The following ORC3 variants were observed in gnomAD, a reference collection of about 807,000 sequenced individuals.
ORC3 encodes homolog of latheo, Drosophila.
In ORC3, 78 loss-of-function variants were observed where a neutral mutation model predicts 100.7. The ratio of observed to expected loss-of-function variants is 0.77; its 90% CI spans 0.65 to 0.94. The LOEUF is 0.94. Among genes scored for constraint, ORC3 ranks in the 40% least tolerant of loss-of-function variants. The pLI is 0.00. For synonymous variants in ORC3, 295 were observed against 289.3 expected (o/e 1.02, Z -0.20); for missense variants, 789 against 823.9 (o/e 0.96, Z 0.52).
chr6:87,641,445 G>A (rs1296913956), intron 13 of ORC3, among the ~76,000 whole-genome samples: 8 of 152,136 alleles, frequency 5.3e-5, no homozygotes, highest in Non-Finnish European at 4.4e-5. Flanking sequence ...CATGTTCAGA[G>A]TGTATCCAAA....
At chr6:87,598,718 T>C (rs1447580677) in intron 2 of ORC3, among the ~76,000 whole-genome samples, 1 of 151,380 alleles carries the variant, frequency 6.6e-6, no homozygotes, top group Non-Finnish European at 1.5e-5. Context: ...AATACGAAAA[T>C]CTTTGAGGAA....
intron 9 of ORC3, 48 bp downstream of exon 9, chr6:87,616,475 A>G: frequency 1.3e-6 from 1 of 787,692 alleles, no homozygotes; most frequent in Non-Finnish European, 2.2e-6. Context: ...GATTCTAAAT[A>G]ATTTGCACAT....
intron 13 of ORC3, among the ~76,000 whole-genome samples, chr6:87,637,636 G>A (rs759969668): frequency 3.9e-5 from 6 of 152,138 alleles, no homozygotes; most frequent in Non-Finnish European, 7.4e-5. Flanking sequence ...TAAGCTTTGT[G>A]ATTAGTAATT....
At position 87,612,037 on chromosome 6, in the gene ORC3, G is replaced by A. The variant is rs7748406; in HGVS notation, c.714-52G>A. The A allele has an allele frequency of 3.1e-3, 4,663 of 1,523,772 alleles. 132 individuals are homozygous for A. In the African/African-American group the frequency reaches 0.056, roughly 18 times the overall value. The allele number at this position is 1,523,772 out of a possible 1,614,324, so 94.4% of individuals were successfully genotyped here. The stretch of plus-strand genomic sequence containing the variant: ...GTCTTATGTTGAAATATGATGTATT[G>A]AAATATATTTGCTAAATAAATTTCA... On this transcript the variant is annotated intron_variant, in intron 7 of 19. Transcript: ENST00000392844.
intron 11 of ORC3, among the ~76,000 whole-genome samples, chr6:87,626,229 A>G (rs1169679650): frequency 6.6e-6 from 1 of 152,186 alleles, no homozygotes; most frequent in African/African-American, 2.4e-5. Flanking sequence ...GAAGAAAGTC[A>G]TTGGTAGCTT....
chr6:87,634,786 A>G, intron 11 of ORC3, 59 bp from the exon 12 acceptor site: 3 of 840,428 alleles, frequency 3.6e-6, no homozygotes, highest in Non-Finnish European at 6.1e-6. Flanking sequence ...AGTAGATTGT[A>G]TTATTATGCT....
chr6:87,630,920 G>T (rs945473168), intron 11 of ORC3, among the ~76,000 whole-genome samples: 2 of 152,070 alleles, frequency 1.3e-5, no homozygotes, highest in African/African-American at 4.8e-5. Context: ...ACCCAGGCTG[G>T]AGTACAGTGG....
At chr6:87,675,465 G>A in the ORC3 span, 1 of 1,291,340 alleles carries the variant, frequency 7.7e-7, no homozygotes, top group Admixed American at 1.9e-5. Context: ...CCTAAGAGTG[G>A]TTGCCACTGA....
chr6:87,640,755 T>C (rs1028853877), intron 13 of ORC3, among the ~76,000 whole-genome samples: 6 of 152,226 alleles, frequency 3.9e-5, no homozygotes, highest in Middle Eastern at 6.3e-3. Flanking sequence ...TAATTTTTCA[T>C]ATTTTTAAAA....
intron 13 of ORC3, among the ~76,000 whole-genome samples, chr6:87,648,859 T>A (rs1297744353): frequency 6.6e-6 from 1 of 152,230 alleles, no homozygotes; most frequent in East Asian, 1.9e-4. Flanking sequence ...TCTTCACTAT[T>A]ACAAACAATA....
intron 16 of ORC3, among the ~76,000 whole-genome samples, chr6:87,659,617 C>T (rs939000416): frequency 1.3e-5 from 2 of 152,010 alleles, no homozygotes; most frequent in Non-Finnish European, 2.9e-5. Context: ...CGCATTGGCT[C>T]ACGCCTGTAA....
At chr6:87,629,908 AACAG>A (rs1767258606) in intron 11 of ORC3, among the ~76,000 whole-genome samples, 1 of 152,286 alleles carries the variant, frequency 6.6e-6, no homozygotes, top group African/African-American at 2.4e-5. Flanking sequence ...TTGTATGAAT[AACAG>A]ACAGGATTGA....
At chr6:87,651,648 C>G (rs982747050) in intron 13 of ORC3, among the ~76,000 whole-genome samples, 1 of 151,964 alleles carries the variant, frequency 6.6e-6, no homozygotes. Context: ...TTTGGTCTAC[C>G]CTTAACAATT....
chr6:87,612,043 T>A (rs1209125177), intron 7 of ORC3, 46 bp from the exon 8 acceptor site: 1 of 1,553,892 alleles, frequency 6.4e-7, no homozygotes, highest in African/African-American at 1.4e-5. Context: ...TATTGAAATA[T>A]ATTTGCTAAA....
chr6:87,655,663 AT>A (rs1201445306), intron 14 of ORC3, among the ~76,000 whole-genome samples: 51 of 149,428 alleles, frequency 3.4e-4, no homozygotes, highest in African/African-American at 1.2e-3. Flanking sequence ...AATTATTATT[AT>A]TATTTTTTTT....
chr6:87,651,452 T>C (rs1445000368), intron 13 of ORC3: 4 of 341,002 alleles, frequency 1.2e-5, no homozygotes, highest in Non-Finnish European at 2.4e-5. Context: ...TTCTCATAAC[T>C]CTATCTGGGC....
Position 87,664,787 on chromosome 6 carries a change from C to G in ORC3, c.1878C>G (p.Ala626=). The change falls in exon 18 of 20, where the codon GCC becomes GCG. Residue 626 remains alanine, a synonymous_variant. Coordinates refer to ENST00000392844, the MANE Select transcript of ORC3 (RefSeq NM_012381.4). Reference sequence around the variant, plus strand: ...AAGAAGGCTGCATTCCGAATATCGCCCCAGACATCTGCATAGCATACAAAC... The same window carrying G: ...AAGAAGGCTGCATTCCGAATATCGCGCCAGACATCTGCATAGCATACAAAC... ...KSEEGCIPNI[A]PDICIAYKLH... is the part of the protein sequence containing the mutation. 6.2e-7 allele frequency: 1 copy of G among 1,614,086 alleles called. No individual in the cohort carries two copies. The highest frequency in any genetic ancestry group is 8.5e-7 in the Non-Finnish European group (1 of 1,179,990).
At chr6:87,639,430 G>A (rs566298302) in intron 13 of ORC3, among the ~76,000 whole-genome samples, 3 of 152,150 alleles carry the variant, frequency 2.0e-5, no homozygotes, top group Non-Finnish European at 1.5e-5. Context: ...ACTCTCTTGC[G>A]TGTTAGAGAG....
chr6:87,666,170 C>T (rs1253618034), intron 19 of ORC3, among the ~76,000 whole-genome samples: 2 of 152,090 alleles, frequency 1.3e-5, no homozygotes, highest in South Asian at 2.1e-4. Context: ...TCTCGTCTAT[C>T]GCCCAAGCTG....
Sources: gnomAD v4.1 joint callset for allele counts (sites outside exome capture counted in the v4.1 genomes callset) on GRCh38, gnomAD v4.1.1 for gene constraint, MANE v1.5 for transcripts, NCBI Gene and HGNC (gene_info 2026-07-23, HGNC 2026-07-21) for gene names.